NAA38: variants seen among roughly 807,000 people sequenced by gnomAD.
NAA38 encodes the protein LSM domain containing 1.
NAA38 carries 15 observed loss-of-function variants against 12.6 expected under a neutral mutation model. The observed-to-expected ratio is 1.19, with a 90% CI of 0.79 to 1.83. The LOEUF (loss-of-function observed/expected upper bound fraction) is 1.83. Ranked by LOEUF, NAA38 falls within the 40% of genes most tolerant of loss-of-function variation. NAA38 has a pLI of 0.00. For synonymous variants in NAA38, 88 were observed against 69.9 expected (o/e 1.26, Z -1.29); for missense variants, 183 against 171.7 (o/e 1.07, Z -0.37).
chr17:7,868,983 C>G (rs976758730), intron 2 of NAA38, among the ~76,000 whole-genome samples: 1 of 152,172 alleles, frequency 6.6e-6, no homozygotes, highest in East Asian at 1.9e-4. Context: ...AGAAGAGTAA[C>G]TAAAGTCAGT....
chr17:7,875,933 T>A (rs926563756), intron 2 of NAA38, among the ~76,000 whole-genome samples: 1 of 152,242 alleles, frequency 6.6e-6, no homozygotes, highest in Non-Finnish European at 1.5e-5. Context: ...CTTAGCATAA[T>A]GTTTTCAAAG....
At chr17:7,870,775 T>A (rs1056009436) in intron 2 of NAA38, among the ~76,000 whole-genome samples, 22 of 151,350 alleles carry the variant, frequency 1.5e-4, no homozygotes, top group African/African-American at 5.4e-4. Flanking sequence ...TAATCCCAGC[T>A]ACTCGGGAGG....
chr17:7,858,290 C>T (rs1415620975), upstream of NAA38: 1 of 1,613,874 alleles, frequency 6.2e-7, no homozygotes, highest in African/African-American at 1.3e-5. Context: ...CACAGGAATA[C>T]AAGGGTAAGG....
chr17:7,872,123 G>A (rs149161161), intron 2 of NAA38, among the ~76,000 whole-genome samples: 2 of 152,246 alleles, frequency 1.3e-5, no homozygotes, highest in African/African-American at 4.8e-5. Flanking sequence ...AAAATGGTCT[G>A]TCATTAATGG....
upstream of NAA38, chr17:7,861,200 G>C (rs1001585524): frequency 1.3e-5 from 2 of 152,128 alleles, no homozygotes; most frequent in Non-Finnish European, 2.9e-5. Context: ...GAAGAGTTTA[G>C]TGTGTCTTCT....
chr17:7,884,859 C>T, intron 1 of NAA38: 5 of 1,155,262 alleles, frequency 4.3e-6, no homozygotes, highest in Non-Finnish European at 4.7e-6. Flanking sequence ...ATGGTGGTGT[C>T]GGAGGAGGAA....
At chr17:7,881,296 G>C (rs1456707861) in intron 2 of NAA38, among the ~76,000 whole-genome samples, 1 of 151,982 alleles carries the variant, frequency 6.6e-6, no homozygotes, top group Non-Finnish European at 1.5e-5. Flanking sequence ...AAAGAAGAGA[G>C]AAAAGCAAGA....
intron 2 of NAA38, among the ~76,000 whole-genome samples, chr17:7,870,003 CTA>C (rs1567817069): frequency 1.3e-5 from 2 of 152,144 alleles, no homozygotes; most frequent in Admixed American, 1.3e-4. Context: ...CAACAGAAAA[CTA>C]TTAAGAAATT....
intron 2 of NAA38, among the ~76,000 whole-genome samples, chr17:7,869,486 G>A (rs917404558): frequency 1.3e-5 from 2 of 152,198 alleles, no homozygotes; most frequent in African/African-American, 2.4e-5. Context: ...GCTCAGTCGA[G>A]TGCGGTGGCT....
At chr17:7,882,164 C>G (rs758858543) in intron 2 of NAA38, among the ~76,000 whole-genome samples, 1 of 152,140 alleles carries the variant, frequency 6.6e-6, no homozygotes, top group East Asian at 1.9e-4. Flanking sequence ...GGGATGCACA[C>G]GGCCACCTTT....
At chr17:7,859,036 T>C (rs573135251), upstream of NAA38, 296 of 568,670 alleles carry the variant, frequency 5.2e-4, 1 homozygote, top group African/African-American at 5.2e-3. Context: ...GACTCCTTTA[T>C]AAGCCTGGGA....
intron 3 of NAA38, chr17:7,866,198 T>G (rs1966971887): frequency 5.0e-6 from 1 of 201,026 alleles, no homozygotes; most frequent in South Asian, 2.0e-4. Flanking sequence ...GCCATTCTCC[T>G]GCCTCAGCCT....
intron 2 of NAA38, among the ~76,000 whole-genome samples, chr17:7,870,406 T>C (rs1185238815): frequency 6.6e-6 from 1 of 152,188 alleles, no homozygotes; most frequent in Non-Finnish European, 1.5e-5. Flanking sequence ...AGCAAGGAAA[T>C]GGATTTAGCT....
intron 2 of NAA38, among the ~76,000 whole-genome samples, chr17:7,869,380 T>C (rs1967045200): frequency 6.6e-6 from 1 of 152,218 alleles, no homozygotes; most frequent in Non-Finnish European, 1.5e-5. Flanking sequence ...TTATTGACTC[T>C]GGGATACATT....
chr17:7,875,622 T>G (rs978941268), intron 2 of NAA38, among the ~76,000 whole-genome samples: 2 of 152,152 alleles, frequency 1.3e-5, no homozygotes, highest in Non-Finnish European at 2.9e-5. Context: ...CAGGTGTGAG[T>G]CACTGTATTG....
At chr17:7,859,558 A>AC (rs1284918294), upstream of NAA38, 5 of 1,614,086 alleles carry the variant, frequency 3.1e-6, no homozygotes, top group Non-Finnish European at 4.2e-6. Flanking sequence ...TGGACGGTAC[A>AC]CTTCACACAC....
intron 2 of NAA38, among the ~76,000 whole-genome samples, chr17:7,879,167 T>C (rs975152038): frequency 2.6e-5 from 4 of 152,200 alleles, no homozygotes; most frequent in Non-Finnish European, 5.9e-5. Context: ...TAAAATACTA[T>C]GATTAGGTCT....
chr17:7,884,858 T>A, intron 1 of NAA38: 1 of 1,106,382 alleles, frequency 9.0e-7, no homozygotes. Flanking sequence ...GATGGTGGTG[T>A]CGGAGGAGGA....
intron 3 of NAA38, chr17:7,865,699 CAT>C (rs2151388815): frequency 6.6e-6 from 1 of 152,250 alleles, no homozygotes; most frequent in Non-Finnish European, 1.5e-5. Context: ...GTAAGAAGAA[CAT>C]GTGGGATGTG....
Sources: gnomAD v4.1 joint callset for allele counts (sites outside exome capture counted in the v4.1 genomes callset) on GRCh38, gnomAD v4.1.1 for gene constraint, MANE v1.5 for transcripts, NCBI Gene and HGNC (gene_info 2026-07-23, HGNC 2026-07-21) for gene names.